Variants in MAP4K3 observed in about 807,000 individuals in gnomAD.
The protein encoded by MAP4K3 is MAPK/ERK kinase kinase kinase 3.
A neutral mutation model predicts 143.5 loss-of-function variants in MAP4K3; 94 were observed. The ratio of observed to expected loss-of-function variants is 0.65; its 90% CI spans 0.55 to 0.78. MAP4K3 has a LOEUF of 0.78. MAP4K3 is among the 30% of genes least tolerant of loss of function. The pLI is 0.00. For missense variants in MAP4K3, 1,077 were observed against 1,068.1 expected, an observed-to-expected ratio of 1.01 and a Z score of -0.12; for synonymous variants, 416 against 347.2, an observed-to-expected ratio of 1.20 and a Z score of -2.20.
chr2:39,400,244 G>A (rs1666917805), intron 1 of MAP4K3, among the ~76,000 whole-genome samples: 1 of 152,070 alleles, frequency 6.6e-6, no homozygotes, highest in Non-Finnish European at 1.5e-5. Context: ...TATTACTAGT[G>A]CCCTAGAGTT....
chr2:39,333,959 TTTTGTG>T (rs1335174702), intron 6 of MAP4K3, among the ~76,000 whole-genome samples: 2 of 87,340 alleles, frequency 2.3e-5, no homozygotes, highest in East Asian at 4.5e-4. Flanking sequence ...TGTTTCCCAT[TTTTGTG>T]TGTGTGTGTG....
intron 2 of MAP4K3, among the ~76,000 whole-genome samples, chr2:39,372,558 T>C (rs1017307370): frequency 6.7e-6 from 1 of 148,614 alleles, no homozygotes; most frequent in Non-Finnish European, 1.5e-5. Flanking sequence ...AGAGCTATGG[T>C]AACCAAAACA....
intron 2 of MAP4K3, among the ~76,000 whole-genome samples, chr2:39,365,207 T>C (rs1665886761): frequency 6.6e-6 from 1 of 152,176 alleles, no homozygotes; most frequent in Non-Finnish European, 1.5e-5. Context: ...ATAAAAAGTC[T>C]GTTCACTAGT....
chr2:39,333,582 GTAACAATATTT>G lies in MAP4K3; in HGVS notation c.415-19_415-9del. On this transcript the variant is annotated splice_polypyrimidine_tract_variant and intron_variant, in intron 6 of 33. Transcript: ENST00000263881. Reference sequence around the variant, plus strand: ...TAATAGAATGTTAGCTCCCTTCAAAGTAACAATATTTTAGTTAGAGTAGGAAATAGATATTT... The same window carrying G: ...TAATAGAATGTTAGCTCCCTTCAAAGTAGTTAGAGTAGGAAATAGATATTT... The G allele has an allele frequency of 6.4e-7, 1 of 1,573,064 alleles. No individual in the cohort carries two copies. The highest frequency in any genetic ancestry group is 8.7e-7 in the Non-Finnish European group (1 of 1,145,556).
intron 12 of MAP4K3, 25 bp downstream of exon 12, chr2:39,325,493 G>T: frequency 6.7e-7 from 1 of 1,503,228 alleles, no homozygotes; most frequent in Non-Finnish European, 9.2e-7. Flanking sequence ...TGTTATATAT[G>T]CCCGCTGGTA....
At chr2:39,427,228 A>G (rs1460334205) in intron 1 of MAP4K3, among the ~76,000 whole-genome samples, 1 of 152,094 alleles carries the variant, frequency 6.6e-6, no homozygotes, top group African/African-American at 2.4e-5. Context: ...CCACTAAACT[A>G]TGATTTAAAA....
At chr2:39,337,366 T>C (rs760648250) in intron 5 of MAP4K3, among the ~76,000 whole-genome samples, 160 bp downstream of exon 5, 3 of 152,208 alleles carry the variant, frequency 2.0e-5, no homozygotes, top group Non-Finnish European at 4.4e-5. Flanking sequence ...TTTGTAAATA[T>C]AATTTGAGTT....
At chr2:39,303,751 G>A (rs553735037) in intron 15 of MAP4K3, among the ~76,000 whole-genome samples, 21 of 152,140 alleles carry the variant, frequency 1.4e-4, no homozygotes, top group Non-Finnish European at 2.6e-4. Context: ...TGGCCAGGCT[G>A]GTCTCGAACT....
chr2:39,307,945 G>C lies in MAP4K3; in HGVS notation c.1117C>G (p.Leu373Val). The C allele has an allele frequency of 6.4e-7, 1 of 1,561,762 alleles. No individual in the cohort carries two copies. The highest frequency in any genetic ancestry group is 8.7e-7 in the Non-Finnish European group (1 of 1,153,978). ...GAAAATCAGAAGATGAGAAATACCA[G>C]ATTAGATCTTGCAGTGTAGTATATT... ...EEIYYTARSN[L>V]DLQLEYGQGH... Residue 373 changes from leucine (L) to valine (V), a missense_variant and splice_region_variant, in exon 15 of 34, where the codon CTG (leucine) becomes GTG (valine). Transcript: ENST00000263881.
At chr2:39,433,704 A>G (rs1665364640) in intron 1 of MAP4K3, among the ~76,000 whole-genome samples, 1 of 152,342 alleles carries the variant, frequency 6.6e-6, no homozygotes, top group South Asian at 2.1e-4. Context: ...AGGCCCAACT[A>G]AAGAGCTTCA....
intron 24 of MAP4K3, among the ~76,000 whole-genome samples, chr2:39,275,255 C>T (rs2148458677): frequency 6.6e-6 from 1 of 152,264 alleles, no homozygotes; most frequent in Middle Eastern, 3.4e-3. Context: ...GTGGGTAAGG[C>T]AGAAGGACTG....
chr2:39,267,108 A>C (rs531862789), intron 27 of MAP4K3, 81 bp downstream of exon 27: 3 of 1,301,180 alleles, frequency 2.3e-6, no homozygotes, highest in Admixed American at 1.8e-5. Flanking sequence ...TTGCTGGCAG[A>C]ATGCCCTGGG....
chr2:39,325,861 C>A, intron 10 of MAP4K3, 38 bp downstream of exon 10: 1 of 1,555,014 alleles, frequency 6.4e-7, no homozygotes, highest in South Asian at 1.2e-5. Flanking sequence ...ATTTTTTGCT[C>A]ATCTCACCAT....
chr2:39,376,048 C>T (rs183997849), intron 2 of MAP4K3, among the ~76,000 whole-genome samples: 2 of 152,144 alleles, frequency 1.3e-5, no homozygotes, highest in Non-Finnish European at 2.9e-5. Context: ...GCATGACAAT[C>T]ATTGTGTCGG....
intron 29 of MAP4K3, among the ~76,000 whole-genome samples, chr2:39,260,264 C>T (rs1024134385): frequency 3.3e-5 from 5 of 151,990 alleles, no homozygotes; most frequent in African/African-American, 7.3e-5. Flanking sequence ...CAGGCATGCA[C>T]CACCATGCCC....
intron 1 of MAP4K3, among the ~76,000 whole-genome samples, chr2:39,401,491 A>C (rs912266102): frequency 6.6e-6 from 1 of 152,132 alleles, no homozygotes; most frequent in African/African-American, 2.4e-5. Flanking sequence ...GTTCCCACCT[A>C]ACTGAGCTTC....
chr2:39,361,238 T>A (rs1156868512), intron 2 of MAP4K3, among the ~76,000 whole-genome samples: 1 of 151,924 alleles, frequency 6.6e-6, no homozygotes, highest in African/African-American at 2.4e-5. Context: ...TATCACGTTT[T>A]ATGTAATAAT....
chr2:39,288,000 G>T, intron 20 of MAP4K3, 121 bp downstream of exon 20: 1 of 1,174,214 alleles, frequency 8.5e-7, no homozygotes. Context: ...CATCTCCATA[G>T]CCACTGCTTT....
At chr2:39,350,878 G>A (rs72801457) in intron 3 of MAP4K3, among the ~76,000 whole-genome samples, 37,205 of 152,014 alleles carry the variant, frequency 0.24, 5,880 homozygotes, top group Non-Finnish European at 0.34. Flanking sequence ...GCCCTCTGGA[G>A]GCCACAGGTC....
Sources: gnomAD v4.1 joint callset for allele counts (sites outside exome capture counted in the v4.1 genomes callset) on GRCh38, gnomAD v4.1.1 for gene constraint, MANE v1.5 for transcripts, NCBI Gene and HGNC (gene_info 2026-07-23, HGNC 2026-07-21) for gene names.